Variants in TASOR observed in about 807,000 individuals in gnomAD.
The protein encoded by TASOR is transcription activation suppressor.
TASOR carries 53 observed loss-of-function variants against 178.6 expected under a neutral mutation model. That is an observed-to-expected ratio of 0.30 (90% CI 0.24 to 0.37). TASOR has a LOEUF of 0.37. Among genes scored for constraint, TASOR ranks in the 10% least tolerant of loss-of-function variants. TASOR has a pLI of 1.00. For synonymous variants in TASOR, 713 were observed against 696.2 expected (o/e 1.02, Z -0.38); for missense variants, 1,815 against 1,971.4 (o/e 0.92, Z 1.50).
chr3:56,677,487 G>A (rs1262185658), intron 1 of TASOR, among the ~76,000 whole-genome samples: 1 of 152,190 alleles, frequency 6.6e-6, no homozygotes, highest in Non-Finnish European at 1.5e-5. Context: ...TTGAAACTGA[G>A]ACAAGTAGCC....
In TASOR at chr3:56,646,572, C is replaced by G; in HGVS notation, c.2165G>C (p.Arg722Thr). The change falls in exon 14 of 24, where the codon AGA becomes ACA. Residue 722 changes from arginine to threonine, a missense_variant. Coordinates refer to ENST00000683822, the MANE Select transcript of TASOR (RefSeq NM_001365635.2). ...RKLEDLPENM[R>T]KLAKTSNLSE... ...TAAATTACTGGTTTTGGCGAGCTTT[C>G]TCATATTTTCAGGTAGATCCTCAAG... 6.2e-7 allele frequency: 1 copy of G among 1,609,534 alleles called. No individual in the cohort carries two copies.
intron 11 of TASOR, among the ~76,000 whole-genome samples, chr3:56,658,732 C>T (rs2077525133): frequency 6.6e-6 from 1 of 152,232 alleles, no homozygotes; most frequent in African/African-American, 2.4e-5. Flanking sequence ...CATGATAAAA[C>T]CCCGTCTCTA....
intron 1 of TASOR, among the ~76,000 whole-genome samples, chr3:56,680,932 T>C (rs1006423680): frequency 2.6e-5 from 4 of 152,060 alleles, no homozygotes; most frequent in Non-Finnish European, 4.4e-5. Flanking sequence ...ACTTTTAGTG[T>C]GTTCAGCTGA....
At chr3:56,642,971 A>G (rs886096063) in intron 14 of TASOR, among the ~76,000 whole-genome samples, 1 of 151,684 alleles carries the variant, frequency 6.6e-6, no homozygotes, top group African/African-American at 2.4e-5. Flanking sequence ...GCGAGACTCC[A>G]TCACCAAAAA....
At chr3:56,634,062 A>T in intron 17 of TASOR, 96 bp from the exon 18 acceptor site, 1 of 924,900 alleles carries the variant, frequency 1.1e-6, no homozygotes, top group African/African-American at 1.7e-5. Context: ...GTTAACACAC[A>T]TTTAGAACTA....
chr3:56,646,010 T>C (rs1337367091), intron 14 of TASOR, among the ~76,000 whole-genome samples: 2 of 151,964 alleles, frequency 1.3e-5, no homozygotes, highest in African/African-American at 4.8e-5. Flanking sequence ...TAGCCGGGCA[T>C]GGTGGCAGGC....
intron 18 of TASOR, among the ~76,000 whole-genome samples, chr3:56,631,055 G>A (rs1314866498): frequency 6.6e-6 from 1 of 152,072 alleles, no homozygotes; most frequent in East Asian, 1.9e-4. Flanking sequence ...CTGTGCTAGG[G>A]AACTTGTTGC....
At chr3:56,666,225 C>T (rs2029952246) in intron 7 of TASOR, 35 bp downstream of exon 7, 4 of 1,481,002 alleles carry the variant, frequency 2.7e-6, no homozygotes, top group Non-Finnish European at 3.6e-6. Flanking sequence ...GTAGAATTAT[C>T]ACTGCGGATG....
At chr3:56,681,353 C>A (rs1006857682) in intron 1 of TASOR, among the ~76,000 whole-genome samples, 7 of 152,174 alleles carry the variant, frequency 4.6e-5, no homozygotes, top group African/African-American at 1.7e-4. Context: ...TTAAAAGTAT[C>A]TTTCTGAACC....
intron 17 of TASOR, among the ~76,000 whole-genome samples, chr3:56,636,631 G>A (rs754507567): frequency 6.6e-6 from 1 of 151,620 alleles, no homozygotes; most frequent in African/African-American, 2.4e-5. Context: ...TCGATGTCTT[G>A]ACCTCCTGAT....
At position 56,682,717 on chromosome 3, in the gene TASOR, C is replaced by A. The variant is rs752142375; in HGVS notation, c.290G>T (p.Arg97Met). 10 of 1,497,278 alleles carry A rather than the reference C, an allele frequency of 6.7e-6. No homozygotes were observed. The South Asian group carries it at 1.3e-4, about 19-fold the overall frequency. 92.7% of individuals were successfully genotyped at this position (1,497,278 alleles called of 1,614,324 possible). Residue 97 changes from arginine to methionine, a missense_variant, in exon 1 of 24, where the codon AGG becomes ATG. Around this residue, in one of 5 missense-constraint regions of TASOR, gnomAD observed 244 missense variants for 202.7 expected, o/e 1.20. Transcript: ENST00000683822. ...CTTCCTGGGGATCTGAAAACTCCTC[C>A]TAACAGGCCTTTCGGGCTCTTCGGG... ...RGPEEPERPV[R>M]RSFQIPRKSR...
At chr3:56,647,580 T>G (rs560763889) in intron 13 of TASOR, among the ~76,000 whole-genome samples, 2 of 152,270 alleles carry the variant, frequency 1.3e-5, no homozygotes, top group South Asian at 4.1e-4. Context: ...GATCTGAGGC[T>G]CCAAGCAAAA....
intron 11 of TASOR, among the ~76,000 whole-genome samples, chr3:56,659,360 G>C (rs1277789349): frequency 1.3e-5 from 2 of 152,074 alleles, no homozygotes; most frequent in African/African-American, 2.4e-5. Context: ...AGAAACCTTG[G>C]AACAGCCACT....
intron 16 of TASOR, among the ~76,000 whole-genome samples, chr3:56,639,451 T>G (rs536587707): frequency 6.6e-6 from 1 of 152,336 alleles, no homozygotes; most frequent in South Asian, 2.1e-4. Flanking sequence ...TGCTAAACTT[T>G]TTGCCTCACA....
At chr3:56,631,458 T>C (rs1483795505) in intron 18 of TASOR, among the ~76,000 whole-genome samples, 2 of 152,208 alleles carry the variant, frequency 1.3e-5, no homozygotes, top group Non-Finnish European at 2.9e-5. Context: ...AATTTTACTA[T>C]TATACCACTA....
rs570651995 is a variant in TASOR at position 56,682,558 on chromosome 3, C to A, written c.331+118G>T. On this transcript the variant is annotated intron_variant, in intron 1 of 23. Coordinates refer to ENST00000683822, the MANE Select transcript of TASOR (RefSeq NM_001365635.2). ...GCCGTGGCGGTGAGGGGAGAGGCGG[C>A]CGGCGCTGCATGCGTGTTTACGTAT... 1.3e-3 allele frequency: 1,300 copies of A among 970,194 alleles called. 17 individuals are homozygous for A. In the African/African-American group the frequency reaches 0.021, roughly 16 times the overall value. 60.1% of individuals were successfully genotyped at this position (970,194 alleles called of 1,614,324 possible). A position where few individuals can be genotyped will look rare whatever the true frequency, so the allele number is the denominator to read the frequency against.
chr3:56,621,752 A>T lies in TASOR; in HGVS notation c.*1285T>A. ...AATGCTCATTAAAAACTTGTATACT[A>T]TGTAGTAAAATGCTGTACTTGTTCT... On this transcript the variant is annotated 3_prime_UTR_variant, in exon 24 of 24. Transcript: ENST00000683822. 2.4e-6 allele frequency: 1 copy of T among 408,590 alleles called. No homozygotes were observed. Among genetic ancestry groups the T allele is most frequent in the Non-Finnish European group, 4.4e-6 (1 of 225,814 alleles). 25.3% of individuals were successfully genotyped at this position (408,590 alleles called of 1,614,324 possible).
At chr3:56,626,970 A>G in intron 21 of TASOR, 67 bp downstream of exon 21, 1 of 979,192 alleles carries the variant, frequency 1.0e-6, no homozygotes, top group South Asian at 1.6e-5. Context: ...AAACATGGGA[A>G]GAGAGAAATA....
chr3:56,676,396 CTTCA>C (rs1023793394), intron 1 of TASOR, among the ~76,000 whole-genome samples: 3 of 152,168 alleles, frequency 2.0e-5, no homozygotes, highest in African/African-American at 7.2e-5. Context: ...CATATATTGT[CTTCA>C]TTCAAACCTG....
Sources: gnomAD v4.1 joint callset for allele counts (sites outside exome capture counted in the v4.1 genomes callset) on GRCh38, gnomAD v4.1.1 for gene constraint, gnomAD v4.1.1 regional missense constraint, MANE v1.5 for transcripts, NCBI Gene and HGNC (gene_info 2026-07-23, HGNC 2026-07-21) for gene names.